Variants in HDAC9 observed in about 807,000 individuals in gnomAD.
The protein encoded by HDAC9 is MEF-2 interacting transcription repressor (MITR) protein.
A neutral mutation model predicts 139.4 loss-of-function variants in HDAC9; 41 were observed. The ratio of observed to expected loss-of-function variants is 0.29; its 90% confidence interval spans 0.23 to 0.38. The LOEUF (loss-of-function observed/expected upper bound fraction) is 0.38. Among genes scored for constraint, HDAC9 ranks in the 10% least tolerant of loss-of-function variants. The pLI is 1.00. For missense variants in HDAC9, 1,147 were observed against 1,297.0 expected (o/e 0.88, Z 1.78); for synonymous variants, 517 against 476.2 (o/e 1.09, Z -1.12).
At chr7:18,655,187 G>A (rs1343915496) in intron 11 of HDAC9, among the ~76,000 whole-genome samples, 1 of 152,116 alleles carries the variant, frequency 6.6e-6, no homozygotes, top group Non-Finnish European at 1.5e-5. Flanking sequence ...AGGAAAGTAG[G>A]CATTAGTGTT....
intron 1 of HDAC9, among the ~76,000 whole-genome samples, chr7:18,360,869 G>C (rs911420886): frequency 2.0e-5 from 3 of 152,002 alleles, no homozygotes; most frequent in African/African-American, 7.3e-5. Context: ...TTTCATACTA[G>C]ACAAATAATG....
At chr7:18,617,755 C>G (rs1171693680) in intron 6 of HDAC9, among the ~76,000 whole-genome samples, 6 of 152,140 alleles carry the variant, frequency 3.9e-5, no homozygotes, top group Non-Finnish European at 7.4e-5. Flanking sequence ...CTTCAGAGAG[C>G]TCATAATTGG....
chr7:18,348,755 C>T (rs1319544218), intron 1 of HDAC9, among the ~76,000 whole-genome samples: 1 of 152,148 alleles, frequency 6.6e-6, no homozygotes, highest in Non-Finnish European at 1.5e-5. Flanking sequence ...GTATTTCCTA[C>T]TTAAACTCAC....
intron 2 of HDAC9, among the ~76,000 whole-genome samples, chr7:18,268,828 G>A (rs1315327588): frequency 2.0e-5 from 3 of 152,172 alleles, no homozygotes; most frequent in Non-Finnish European, 4.4e-5. Context: ...CACTTGAAAG[G>A]AACTGATCAG....
chr7:18,995,343 A>G (rs1305464083), intron 25 of HDAC9, among the ~76,000 whole-genome samples: 3 of 152,202 alleles, frequency 2.0e-5, no homozygotes, highest in African/African-American at 7.2e-5. Context: ...AGTCATTCTA[A>G]AAGTTTGCCT....
chr7:18,112,397 A>G (rs1783679083), intron 1 of HDAC9, among the ~76,000 whole-genome samples: 1 of 149,620 alleles, frequency 6.7e-6, no homozygotes, highest in Admixed American at 6.6e-5. Flanking sequence ...CAACAATTAC[A>G]TTGTGAATGG....
intron 12 of HDAC9, among the ~76,000 whole-genome samples, chr7:18,673,534 A>G (rs1043306960): frequency 1.3e-5 from 2 of 152,112 alleles, no homozygotes; most frequent in African/African-American, 4.8e-5. Flanking sequence ...ATAATATTTT[A>G]AATATATATT....
chr7:18,850,594 A>G (rs543375475), intron 21 of HDAC9, among the ~76,000 whole-genome samples: 1 of 152,344 alleles, frequency 6.6e-6, no homozygotes, highest in South Asian at 2.1e-4. Flanking sequence ...TGGACATGAT[A>G]CTTCTGAAAA....
chr7:18,112,203 C>T (rs188620474), intron 1 of HDAC9, among the ~76,000 whole-genome samples: 3 of 152,246 alleles, frequency 2.0e-5, no homozygotes, highest in Admixed American at 2.0e-4. Context: ...CATTTCTTTT[C>T]AAGTCTATGT....
At chr7:18,788,588 C>G (rs1792020868) in intron 16 of HDAC9, among the ~76,000 whole-genome samples, 1 of 151,934 alleles carries the variant, frequency 6.6e-6, no homozygotes, top group South Asian at 2.1e-4. Context: ...AACCCCATCT[C>G]TACTAAAAAT....
In HDAC9 at chr7:18,642,793, T is replaced by G. The variant is rs115096761; in HGVS notation, c.913-1878T>G. On this transcript the variant is annotated intron_variant, in intron 8 of 25. Coordinates refer to ENST00000686413, the MANE Select transcript of HDAC9 (RefSeq NM_178425.4). ...AGATAATCTATTTCTCCTTTTAGTT[T>G]AAGTCTGGTTCCTGTGATGAGGTGG... Among the ~76,000 whole-genome samples, 1,441 of 152,156 alleles carry G rather than the reference T, an allele frequency of 9.5e-3. 29 individuals carry two copies. Among genetic ancestry groups the G allele is most frequent in the African/African-American group, 0.033 (1,370 of 41,522 alleles).
At chr7:18,473,205 G>A (rs1416645294) in intron 1 of HDAC9, among the ~76,000 whole-genome samples, 1 of 152,174 alleles carries the variant, frequency 6.6e-6, no homozygotes, top group Non-Finnish European at 1.5e-5. Flanking sequence ...TTATACCCAT[G>A]TTCTTTTGTC....
rs147768039 is a variant in HDAC9 at position 18,226,645 on chromosome 7, G to T, written c.25+64296G>T. ...GGTGGGAACATAGCCTAGCCTAGGG[G>T]TTCATTGGAAGTGATATTTCAGCTG... On this transcript the variant is annotated intron_variant, in intron 2 of 12. Coordinates refer to the HDAC9 transcript ENST00000417496. Among the ~76,000 whole-genome samples the T allele has an allele frequency of 1.7e-3, 258 of 152,316 alleles. 2 individuals are homozygous for T. The highest frequency in any genetic ancestry group is 5.1e-3 in the African/African-American group (211 of 41,566).
intron 1 of HDAC9, among the ~76,000 whole-genome samples, chr7:18,298,951 T>G (rs545315177): frequency 8.1e-4 from 123 of 152,256 alleles, no homozygotes; most frequent in African/African-American, 2.8e-3. Context: ...GTATTTATAG[T>G]TAGGATTGTA....
At position 18,298,284 on chromosome 7, in the gene HDAC9, T is replaced by G. The variant is rs557508929; in HGVS notation, c.-42+7769T>G. Among the ~76,000 whole-genome samples the G allele has an allele frequency of 6.1e-4, 93 of 151,974 alleles. 1 individual carries two copies. The highest frequency in any genetic ancestry group is 1.2e-3 in the Non-Finnish European group (82 of 67,964). ...ATGTAAGACCTACATTTTTATGTTT[T>G]TTTTTTTTTTTTTTATTATACTTTA... On this transcript the variant is annotated intron_variant, in intron 1 of 3. Coordinates refer to the HDAC9 transcript ENST00000413509.
chr7:18,806,839 A>G (rs1175013017), intron 17 of HDAC9, among the ~76,000 whole-genome samples: 2 of 152,166 alleles, frequency 1.3e-5, no homozygotes, highest in Non-Finnish European at 2.9e-5. Context: ...CCACTTTATC[A>G]TAATGTGCTT....
intron 5 of HDAC9, among the ~76,000 whole-genome samples, chr7:18,592,212 C>CTT (rs772739591): frequency 4.0e-5 from 6 of 151,894 alleles, no homozygotes; most frequent in Non-Finnish European, 8.8e-5. Flanking sequence ...ATAAATAACT[C>CTT]TAAGTCTTCA....
chr7:18,535,271 C>A (rs1223831140), intron 2 of HDAC9, among the ~76,000 whole-genome samples: 1 of 151,964 alleles, frequency 6.6e-6, no homozygotes, highest in African/African-American at 2.4e-5. Flanking sequence ...TTGGTCAATC[C>A]ATCATTTTTA....
intron 2 of HDAC9, among the ~76,000 whole-genome samples, chr7:18,191,535 A>G (rs1376321203): frequency 6.6e-6 from 1 of 152,226 alleles, no homozygotes; most frequent in African/African-American, 2.4e-5. Flanking sequence ...TCCTTGTGGC[A>G]GGAAACGATA....
Sources: gnomAD v4.1 joint callset for allele counts (sites outside exome capture counted in the v4.1 genomes callset) on GRCh38, gnomAD v4.1.1 for gene constraint, MANE v1.5 for transcripts, NCBI Gene and HGNC (gene_info 2026-07-23, HGNC 2026-07-21) for gene names.